LIPC: variants seen among roughly 807,000 people sequenced by gnomAD.
LIPC encodes hepatic triacylglycerol lipase.
Under a neutral mutation model 50.7 loss-of-function variants are expected in LIPC, and 44 were observed. The observed-to-expected ratio is 0.87, with a 90% CI of 0.68 to 1.11. The LOEUF is 1.11. Ranked by LOEUF, LIPC falls within the 50% of genes most tolerant of loss-of-function variation. The probability of loss-of-function intolerance (pLI) is 0.00; values close to 1 mark genes in which losing one functional copy is unlikely to be tolerated. For synonymous variants in LIPC, 271 were observed against 256.4 expected, an observed-to-expected ratio of 1.06 and a Z score of -0.54; for missense variants, 697 against 648.2, an observed-to-expected ratio of 1.08 and a Z score of -0.82.
At chr15:58,488,326 CT>C (rs1381272348) in intron 1 of LIPC, among the ~76,000 whole-genome samples, 2 of 152,338 alleles carry the variant, frequency 1.3e-5, no homozygotes, top group Non-Finnish European at 2.9e-5. Flanking sequence ...ACCCAGCAAT[CT>C]GACGTCCACA....
intron 1 of LIPC, among the ~76,000 whole-genome samples, chr15:58,480,985 CA>C (rs1296023878): frequency 6.6e-6 from 1 of 152,160 alleles, no homozygotes; most frequent in African/African-American, 2.4e-5. Context: ...GCATGGCACA[CA>C]ACAGATGTTC....
intron 1 of LIPC, among the ~76,000 whole-genome samples, chr15:58,459,334 T>C (rs528289642): frequency 1.0e-3 from 155 of 152,188 alleles, no homozygotes; most frequent in African/African-American, 3.6e-3. Context: ...CATTTGCTGG[T>C]GACATTGTAG....
In LIPC at chr15:58,545,990, A is replaced by G; in HGVS notation, c.808+15A>G. On this transcript the variant is annotated intron_variant, in intron 5 of 8. Transcript: ENST00000299022. ...CGGCTTCAATGGTGAGAATGAAGTCATGGGCCGGGAGCACCGGCCTACATT... is the reference window on the plus strand; with the variant it reads ...CGGCTTCAATGGTGAGAATGAAGTCGTGGGCCGGGAGCACCGGCCTACATT... 1.3e-6 allele frequency: 2 copies of G among 1,586,684 alleles called. No homozygotes were observed. The highest frequency in any genetic ancestry group is 1.7e-6 in the Non-Finnish European group (2 of 1,155,010).
At chr15:58,546,357 C>T (rs1340498398) in intron 5 of LIPC, among the ~76,000 whole-genome samples, 1 of 152,208 alleles carries the variant, frequency 6.6e-6, no homozygotes, top group Non-Finnish European at 1.5e-5. Context: ...CCAGGGACCG[C>T]CTCTATTCTG....
At position 58,569,750 on chromosome 15, in the gene LIPC, T is replaced by A. The variant is rs1252807374; in HGVS notation, c.*923T>A. On this transcript the variant is annotated 3_prime_UTR_variant, in exon 9 of 9. Transcript: ENST00000299022. The stretch of plus-strand genomic sequence containing the variant: ...TATATGCAAACCAGGAAGTTGACCC[T>A]CACCTGGAAGTAGACTACCAGATCT... The A allele has an allele frequency of 6.5e-6, 1 of 153,782 alleles. No individual in the cohort carries two copies. The highest frequency in any genetic ancestry group is 2.1e-4 in the South Asian group (1 of 4,862). The allele number at this position is 153,782 out of a possible 1,614,324, so 9.5% of individuals were successfully genotyped here.
At chr15:58,504,867 G>A (rs1207334236) in intron 1 of LIPC, among the ~76,000 whole-genome samples, 1 of 152,132 alleles carries the variant, frequency 6.6e-6, no homozygotes, top group Non-Finnish European at 1.5e-5. Flanking sequence ...TGCGCATGCT[G>A]TACCCTGTTT....
At chr15:58,452,725 T>C (rs972505531) in intron 1 of LIPC, among the ~76,000 whole-genome samples, 2 of 36,278 alleles carry the variant, frequency 5.5e-5, no homozygotes, top group Admixed American at 8.0e-4. Flanking sequence ...TGGGGTAGGG[T>C]GGAGTGGGAT....
chr15:58,459,281 T>G (rs1334812167), intron 1 of LIPC, among the ~76,000 whole-genome samples: 1 of 152,160 alleles, frequency 6.6e-6, no homozygotes, highest in Admixed American at 6.5e-5. Context: ...AGACAGTGTC[T>G]TTTTAGAGAC....
At chr15:58,539,063 G>T (rs921806108) in intron 2 of LIPC, among the ~76,000 whole-genome samples, 2 of 152,212 alleles carry the variant, frequency 1.3e-5, no homozygotes, top group Non-Finnish European at 2.9e-5. Context: ...GCTCCTTCCA[G>T]TTCACTGCTC....
intron 1 of LIPC, among the ~76,000 whole-genome samples, chr15:58,535,452 C>G (rs953553591): frequency 1.3e-4 from 20 of 152,224 alleles, no homozygotes; most frequent in African/African-American, 4.8e-4. Flanking sequence ...GGGCCCTGTT[C>G]AGTCCAGTTG....
chr15:58,544,711 T>A (rs1159176984), intron 4 of LIPC, among the ~76,000 whole-genome samples: 1 of 152,146 alleles, frequency 6.6e-6, no homozygotes, highest in East Asian at 1.9e-4. Context: ...ACATTTTTCA[T>A]TTGTCACTGT....
intron 1 of LIPC, among the ~76,000 whole-genome samples, chr15:58,439,475 G>T (rs1371529183): frequency 6.6e-6 from 1 of 152,282 alleles, no homozygotes; most frequent in Non-Finnish European, 1.5e-5. Context: ...ACGGAGTCTT[G>T]CTCTGTCGCC....
chr15:58,520,123 G>T (rs8029222), intron 1 of LIPC, among the ~76,000 whole-genome samples: 82,024 of 123,600 alleles, frequency 0.66, 25,061 homozygotes, highest in African/African-American at 0.74. Context: ...TTTTTTTTTT[G>T]TTTTTTTTTT....
At chr15:58,508,560 C>T (rs1424745767) in intron 1 of LIPC, among the ~76,000 whole-genome samples, 1 of 152,164 alleles carries the variant, frequency 6.6e-6, no homozygotes, top group Non-Finnish European at 1.5e-5. Context: ...CCCCCTCCAT[C>T]CCTTTATTAG....
intron 1 of LIPC, among the ~76,000 whole-genome samples, chr15:58,515,908 T>C (rs1892470485): frequency 6.6e-6 from 1 of 152,150 alleles, no homozygotes; most frequent in Non-Finnish European, 1.5e-5. Flanking sequence ...TCGGATCTCT[T>C]CTTAGTGTCA....
intron 1 of LIPC, among the ~76,000 whole-genome samples, chr15:58,515,196 G>T (rs1263927716): frequency 1.3e-5 from 2 of 152,082 alleles, no homozygotes; most frequent in East Asian, 1.9e-4. Context: ...CCCCTCTCAA[G>T]ATCCTTACCT....
intron 1 of LIPC, among the ~76,000 whole-genome samples, chr15:58,471,335 G>GGGGC (rs373848994): frequency 2.8e-5 from 4 of 141,080 alleles, no homozygotes; most frequent in African/African-American, 5.2e-5. Flanking sequence ...AGATGGGGGG[G>GGGGC]GGTGGTCTCA....
At chr15:58,533,939 T>C (rs1893034196) in intron 1 of LIPC, among the ~76,000 whole-genome samples, 1 of 152,034 alleles carries the variant, frequency 6.6e-6, no homozygotes, top group African/African-American at 2.4e-5. Context: ...AACACTATAA[T>C]TTGAAGGGGA....
chr15:58,535,172 C>T lies in LIPC; in HGVS notation c.89-3161C>T, dbSNP rs376066446. 3.5e-4 allele frequency among the ~76,000 whole-genome samples: 53 copies of T among 152,296 alleles called. No individual in the cohort carries two copies. In the East Asian group the frequency reaches 3.9e-3, roughly 11 times the overall value. ...AAAGCCCCTACGCAGGGCATTCCTC[C>T]GCTGCAACACAGCAACCACTTTTAA... On this transcript the variant is annotated intron_variant, in intron 1 of 8. Transcript: ENST00000299022.
Sources: gnomAD v4.1 joint callset for allele counts (sites outside exome capture counted in the v4.1 genomes callset) on GRCh38, gnomAD v4.1.1 for gene constraint, MANE v1.5 for transcripts, NCBI Gene and HGNC (gene_info 2026-07-23, HGNC 2026-07-21) for gene names.